The following SLC35F1 variants were observed in gnomAD, a reference collection of about 807,000 sequenced individuals.
SLC35F1 encodes the protein solute carrier family 35 member F1, also known as chromosome 6 open reading frame 169.
Under a neutral mutation model 48.7 loss-of-function variants are expected in SLC35F1, and 14 were observed. The ratio of observed to expected loss-of-function variants is 0.29; its 90% CI spans 0.19 to 0.45. The LOEUF (loss-of-function observed/expected upper bound fraction) is 0.45, where lower values mean the gene tolerates loss of function less well. Among genes scored for constraint, SLC35F1 ranks in the 20% least tolerant of loss-of-function variants. SLC35F1 has a pLI of 1.00. For synonymous variants in SLC35F1, 190 were observed against 202.2 expected, an observed-to-expected ratio of 0.94 and a Z score of 0.51; for missense variants, 404 against 500.0, an observed-to-expected ratio of 0.81 and a Z score of 1.83.
At chr6:118,011,645 A>C (rs996874190) in intron 1 of SLC35F1, among the ~76,000 whole-genome samples, 3 of 152,166 alleles carry the variant, frequency 2.0e-5, no homozygotes, top group African/African-American at 7.2e-5. Flanking sequence ...TAAGAATCTG[A>C]TGCTGCTGCT....
intron 2 of SLC35F1, among the ~76,000 whole-genome samples, chr6:118,163,354 G>C (rs188225522): frequency 6.4e-4 from 97 of 151,992 alleles, no homozygotes; most frequent in African/African-American, 2.0e-3. Context: ...GAAGGAAATT[G>C]ACATGAATAT....
chr6:118,268,601 T>TATATATATATATATATATATA (rs59597751), intron 4 of SLC35F1, among the ~76,000 whole-genome samples: 1 of 45,538 alleles, frequency 2.2e-5, no homozygotes, highest in Non-Finnish European at 3.7e-5. Flanking sequence ...TATATATATA[T>TATATATATATATATATATATA]TTTTTTTTTT....
At chr6:118,278,959 T>C (rs536159260) in intron 6 of SLC35F1, among the ~76,000 whole-genome samples, 1 of 152,364 alleles carries the variant, frequency 6.6e-6, no homozygotes, top group Admixed American at 6.5e-5. Flanking sequence ...AGTTTTATTC[T>C]GAGCTCTCAT....
At chr6:118,297,719 A>T (rs966529022) in intron 7 of SLC35F1, among the ~76,000 whole-genome samples, 166 of 113,934 alleles carry the variant, frequency 1.5e-3, no homozygotes, top group Non-Finnish European at 2.2e-3. Context: ...AGAAATATAT[A>T]TTATATATAT....
chr6:118,097,141 T>A (rs1365275336), intron 1 of SLC35F1, among the ~76,000 whole-genome samples: 1 of 152,140 alleles, frequency 6.6e-6, no homozygotes, highest in Non-Finnish European at 1.5e-5. Flanking sequence ...ACACAACTGC[T>A]TCCAGTTGCC....
At chr6:118,278,012 G>A (rs985246463) in intron 6 of SLC35F1, among the ~76,000 whole-genome samples, 5 of 152,184 alleles carry the variant, frequency 3.3e-5, no homozygotes, top group African/African-American at 1.2e-4. Context: ...CTTTCAGAAG[G>A]GAGCAGTTTG....
In SLC35F1 at chr6:117,932,010, C is replaced by A. The variant is rs1776107525; in HGVS notation, c.173+24111C>A. Among the ~76,000 whole-genome samples the A allele has an allele frequency of 9.2e-5, 14 of 152,246 alleles. 2 individuals carry two copies. In the South Asian group the frequency reaches 2.9e-3, roughly 32 times the overall value. ...GTGGGGTCTTTGCAAGGTGATTAGG[C>A]CATGAGAGGTCTGCCCTCATCAATG... On this transcript the variant is annotated intron_variant, in intron 1 of 7. Coordinates refer to ENST00000360388, the MANE Select transcript of SLC35F1 (RefSeq NM_001029858.4).
At chr6:118,133,444 T>C (rs1400789960) in intron 1 of SLC35F1, among the ~76,000 whole-genome samples, 1 of 152,168 alleles carries the variant, frequency 6.6e-6, no homozygotes, top group African/African-American at 2.4e-5. Flanking sequence ...AATGACAACA[T>C]TTCTGGCTAG....
chr6:118,106,379 C>G (rs957952572), intron 1 of SLC35F1, among the ~76,000 whole-genome samples: 1 of 152,188 alleles, frequency 6.6e-6, no homozygotes, highest in African/African-American at 2.4e-5. Flanking sequence ...TTCTCATTTT[C>G]CTGATGGCAT....
chr6:118,302,155 A>C (rs550761969), intron 7 of SLC35F1, among the ~76,000 whole-genome samples: 1 of 152,310 alleles, frequency 6.6e-6, no homozygotes, highest in Admixed American at 6.5e-5. Flanking sequence ...CAATGCTGTG[A>C]AATATCTTCA....
intron 1 of SLC35F1, among the ~76,000 whole-genome samples, chr6:118,097,188 G>T (rs907570387): frequency 6.6e-6 from 1 of 152,070 alleles, no homozygotes; most frequent in Non-Finnish European, 1.5e-5. Flanking sequence ...GACCTACAAA[G>T]TTCCCCCTCA....
intron 1 of SLC35F1, among the ~76,000 whole-genome samples, chr6:117,923,036 T>A (rs1775920459): frequency 6.6e-6 from 1 of 152,022 alleles, no homozygotes; most frequent in Non-Finnish European, 1.5e-5. Flanking sequence ...CACCAGATTT[T>A]CAGAGGCACA....
At chr6:118,171,147 CT>C (rs145356774) in intron 2 of SLC35F1, among the ~76,000 whole-genome samples, 2,668 of 152,190 alleles carry the variant, frequency 0.018, 80 homozygotes, top group African/African-American at 0.061. Flanking sequence ...ATAGATCCTC[CT>C]ACCTTAGCCT....
chr6:118,107,433 C>T (rs62423663), intron 1 of SLC35F1, among the ~76,000 whole-genome samples: 16,595 of 152,182 alleles, frequency 0.11, 1,059 homozygotes, highest in South Asian at 0.28. Flanking sequence ...GGAACATATG[C>T]AGAATCTTCT....
chr6:118,186,603 C>T (rs1394475983), intron 2 of SLC35F1, among the ~76,000 whole-genome samples: 2 of 152,074 alleles, frequency 1.3e-5, no homozygotes, highest in African/African-American at 4.8e-5. Flanking sequence ...TTGGGTCTGC[C>T]CAATTTTCAA....
chr6:118,297,641 A>T (rs1462723115), intron 7 of SLC35F1, among the ~76,000 whole-genome samples: 5 of 86,988 alleles, frequency 5.7e-5, no homozygotes, highest in African/African-American at 2.4e-4. Context: ...TATATATAAA[A>T]AATATATATA....
chr6:118,269,170 G>C (rs1274823103), intron 4 of SLC35F1, among the ~76,000 whole-genome samples: 2 of 152,154 alleles, frequency 1.3e-5, no homozygotes, highest in African/African-American at 4.8e-5. Flanking sequence ...TGAAGTGTTA[G>C]AAAAGAAGCA....
rs73525883 is a variant in SLC35F1 at position 118,237,783 on chromosome 6, C to T, written c.477+2147C>T. Among the ~76,000 whole-genome samples the T allele has an allele frequency of 9.3e-3, 1,420 of 152,242 alleles. 19 individuals are homozygous for T. Among genetic ancestry groups the T allele is most frequent in the African/African-American group, 0.032 (1,348 of 41,526 alleles). On this transcript the variant is annotated intron_variant, in intron 3 of 7. Transcript: ENST00000360388. The stretch of plus-strand genomic sequence containing the variant: ...AAATGGAAAAACCTTTTAGATACGT[C>T]GTAGTTGCACCAGTAATTTGGTATG...
intron 1 of SLC35F1, among the ~76,000 whole-genome samples, chr6:118,005,272 A>G (rs1038181222): frequency 2.6e-5 from 4 of 152,124 alleles, no homozygotes; most frequent in African/African-American, 9.7e-5. Context: ...GTCACAAGGA[A>G]GCCTTCAGTG....
Sources: allele counts gnomAD v4.1 joint callset (sites outside exome capture counted in the v4.1 genomes callset), GRCh38; gene constraint gnomAD v4.1.1; transcripts MANE v1.5; gene names NCBI Gene and HGNC (gene_info 2026-07-23, HGNC 2026-07-21).